The following PLXDC2 variants were observed in gnomAD, a reference collection of about 807,000 sequenced individuals.
The protein encoded by PLXDC2 is plexin domain-containing protein 2.
A neutral mutation model predicts 68.9 loss-of-function variants in PLXDC2; 40 were observed. The ratio of observed to expected loss-of-function variants is 0.58; its 90% CI spans 0.45 to 0.76. PLXDC2 has a LOEUF of 0.76. Ranked by LOEUF, PLXDC2 falls within the 30% of genes least tolerant of loss-of-function variation. PLXDC2 has a pLI of 0.00. For missense variants in PLXDC2, 644 were observed against 661.9 expected (o/e 0.97, Z 0.30); for synonymous variants, 243 against 234.2 (o/e 1.04, Z -0.34).
chr10:20,231,878 A>G (rs1040394137), intron 12 of PLXDC2, among the ~76,000 whole-genome samples: 2 of 151,978 alleles, frequency 1.3e-5, no homozygotes, highest in African/African-American at 4.8e-5. Context: ...TTAACCAGAC[A>G]TAATGGCATA....
At position 20,223,213 on chromosome 10, in the gene PLXDC2, C is replaced by A. The variant is rs2131869599; in HGVS notation, c.1312+4111C>A. Among the ~76,000 whole-genome samples the A allele has an allele frequency of 2.0e-5, 3 of 152,110 alleles. No homozygotes were observed. The Middle Eastern group carries it at 0.01, about 521-fold the overall frequency. ...GGTACAAAAATGTTAAGTTATGTAG[C>A]TAGCACATGGCAGAGCTGGGATGTG... On this transcript the variant is annotated intron_variant, in intron 12 of 13. Coordinates refer to ENST00000377252, the MANE Select transcript of PLXDC2 (RefSeq NM_032812.9).
At position 20,147,913 on chromosome 10, in the gene PLXDC2, C is replaced by T. The variant is rs746727202; in HGVS notation, c.783+11C>T. Reference sequence around the variant, plus strand: ...TTTGGATACAAAGAAGTAAGTGATGCGTTGATAATTTCTTTCCCTTCCCCT... The same window carrying T: ...TTTGGATACAAAGAAGTAAGTGATGTGTTGATAATTTCTTTCCCTTCCCCT... On this transcript the variant is annotated intron_variant, in intron 6 of 13. Transcript: ENST00000377252. The T allele has an allele frequency of 6.5e-6, 10 of 1,545,338 alleles. No individual in the cohort carries two copies. Among genetic ancestry groups the T allele is most frequent in the East Asian group, 2.2e-5 (1 of 44,534 alleles).
At chr10:20,095,346 G>A (rs1833336527) in intron 4 of PLXDC2, among the ~76,000 whole-genome samples, 1 of 152,026 alleles carries the variant, frequency 6.6e-6, no homozygotes, top group African/African-American at 2.4e-5. Context: ...TAAATTCAGA[G>A]GGATTCATGT....
At chr10:20,228,828 G>C (rs1588530684) in intron 12 of PLXDC2, among the ~76,000 whole-genome samples, 1 of 152,246 alleles carries the variant, frequency 6.6e-6, no homozygotes, top group East Asian at 1.9e-4. Flanking sequence ...CAAGGAGGAA[G>C]TAGTGAACAG....
intron 1 of PLXDC2, among the ~76,000 whole-genome samples, chr10:19,837,139 G>A (rs1161925171): frequency 4.6e-5 from 7 of 150,878 alleles, no homozygotes; most frequent in African/African-American, 1.2e-4. Flanking sequence ...TTATAAGATT[G>A]TTTGAGGACT....
intron 1 of PLXDC2, among the ~76,000 whole-genome samples, chr10:19,971,656 T>G (rs544430953): frequency 3.9e-5 from 6 of 152,206 alleles, no homozygotes; most frequent in African/African-American, 1.4e-4. Context: ...ATTAGGAAAC[T>G]GTGTTGTTCT....
chr10:19,983,308 A>G (rs1834583515), intron 1 of PLXDC2, among the ~76,000 whole-genome samples: 1 of 152,202 alleles, frequency 6.6e-6, no homozygotes, highest in African/African-American at 2.4e-5. Flanking sequence ...GAAAGAGGAC[A>G]TACTGTTAAT....
intron 9 of PLXDC2, among the ~76,000 whole-genome samples, chr10:20,209,647 C>T (rs528913306): frequency 6.6e-6 from 1 of 152,236 alleles, no homozygotes; most frequent in East Asian, 1.9e-4. Flanking sequence ...AAGGTTATCT[C>T]TCTTGTTCCC....
chr10:20,211,070 A>G (rs1015131999), intron 9 of PLXDC2, among the ~76,000 whole-genome samples: 1 of 152,132 alleles, frequency 6.6e-6, no homozygotes, highest in African/African-American at 2.4e-5. Flanking sequence ...GACCCGAGGT[A>G]GACACTCTTA....
chr10:20,003,206 A>G (rs1294982059), intron 2 of PLXDC2, among the ~76,000 whole-genome samples: 2 of 152,224 alleles, frequency 1.3e-5, no homozygotes, highest in African/African-American at 4.8e-5. Flanking sequence ...ACAAGCAAGT[A>G]AACTTGGGCA....
At chr10:20,010,098 G>C (rs1349043838) in intron 2 of PLXDC2, among the ~76,000 whole-genome samples, 3 of 152,084 alleles carry the variant, frequency 2.0e-5, no homozygotes, top group Non-Finnish European at 2.9e-5. Flanking sequence ...TCTGTTCCTT[G>C]CTTGATTCTG....
intron 13 of PLXDC2, among the ~76,000 whole-genome samples, chr10:20,266,202 C>T (rs1835869948): frequency 2.0e-5 from 3 of 152,018 alleles, no homozygotes; most frequent in African/African-American, 7.2e-5. Context: ...AACATAATGA[C>T]ATTTGAATAT....
chr10:19,921,273 CT>C (rs1281725396), intron 1 of PLXDC2, among the ~76,000 whole-genome samples: 2 of 152,102 alleles, frequency 1.3e-5, no homozygotes, highest in Non-Finnish European at 2.9e-5. Context: ...ACAAAATCAT[CT>C]TGATTTTTAT....
chr10:19,936,809 A>G (rs747313746), intron 1 of PLXDC2, among the ~76,000 whole-genome samples: 28 of 152,326 alleles, frequency 1.8e-4, no homozygotes, highest in African/African-American at 6.3e-4. Flanking sequence ...AATTAACTTG[A>G]TATCTCCAAG....
chr10:19,979,624 A>G (rs1564646153), intron 1 of PLXDC2, among the ~76,000 whole-genome samples: 1 of 152,124 alleles, frequency 6.6e-6, no homozygotes, highest in Non-Finnish European at 1.5e-5. Flanking sequence ...CACCTGCCTC[A>G]GCCTCTCAAA....
chr10:20,017,272 G>A (rs4336930), intron 2 of PLXDC2, among the ~76,000 whole-genome samples: 2,369 of 152,258 alleles, frequency 0.016, 88 homozygotes, highest in South Asian at 0.14. Context: ...GGGCCACTGG[G>A]CAGCTAAGTA....
rs979142624 is a variant in PLXDC2 at position 20,285,202 on chromosome 10, T to A, written c.*5383T>A. 1 of 152,206 alleles carries A rather than the reference T, an allele frequency of 6.6e-6. No individual in the cohort carries two copies. The highest frequency in any genetic ancestry group is 2.4e-5 in the African/African-American group (1 of 41,424). The allele number at this position is 152,206 out of a possible 1,614,324, so 9.4% of individuals were successfully genotyped here. On this transcript the variant is annotated 3_prime_UTR_variant, in exon 14 of 14. Transcript: ENST00000377252. ...GCAGATAATGCGAGGTCTGTGGTGT[T>A]ACCTTTTATATACTCCTATTACCTT...
intron 13 of PLXDC2, among the ~76,000 whole-genome samples, chr10:20,251,151 T>A: frequency 6.6e-6 from 1 of 152,326 alleles, no homozygotes; most frequent in Non-Finnish European, 1.5e-5. Context: ...TAGCCTATTT[T>A]TTTTATTAAC....
intron 1 of PLXDC2, among the ~76,000 whole-genome samples, chr10:19,818,082 A>T (rs918307490): frequency 2.6e-5 from 4 of 152,130 alleles, no homozygotes; most frequent in Admixed American, 2.0e-4. Flanking sequence ...GCAGAAAGAG[A>T]TCTTGGCAGA....
Sources: gnomAD v4.1 joint callset for allele counts (sites outside exome capture counted in the v4.1 genomes callset) on GRCh38, gnomAD v4.1.1 for gene constraint, MANE v1.5 for transcripts, NCBI Gene and HGNC (gene_info 2026-07-23, HGNC 2026-07-21) for gene names.